TTN: variants seen among roughly 807,000 people sequenced by gnomAD.
TTN encodes the protein titin, also known as connectin.
In TTN, 1,525 loss-of-function variants were observed where a neutral mutation model predicts 3,223.0. That is an observed-to-expected ratio of 0.47 (90% confidence interval 0.45 to 0.49). The LOEUF is 0.49. Among genes scored for constraint, TTN ranks in the 20% least tolerant of loss-of-function variants. The probability of loss-of-function intolerance (pLI) is 0.00; values close to 1 mark genes in which losing one functional copy is unlikely to be tolerated. For missense variants in TTN, 40,786 were observed against 43,424.0 expected, an observed-to-expected ratio of 0.94 and a Z score of 5.40; for synonymous variants, 14,094 against 15,161.0, an observed-to-expected ratio of 0.93 and a Z score of 5.17.
intron 236 of TTN, 138 bp from the exon 237 acceptor site, chr2:178,631,438 T>G: frequency 2.1e-6 from 2 of 946,716 alleles, no homozygotes; most frequent in Non-Finnish European, 3.0e-6. Flanking sequence ...TTTAACCTGT[T>G]TATGTTCAAA....
Position 178,533,852 on chromosome 2 carries a change from C to T in TTN, c.102763G>A (p.Glu34255Lys). The change falls in exon 358 of 363, where the codon GAA becomes AAA. Residue 34255 changes from glutamate to lysine, a missense_variant. Glu to Lys is a moderately conservative substitution (Grantham distance 56). Coordinates refer to ENST00000589042, the MANE Select transcript of TTN (RefSeq NM_001267550.2). ...GGCAGGGTAAATTCTGGTGGCCTTT[C>T]CAGGAGTCTCATTGTGTCTGTTCTG... ...KRRTDTMRLLERPPEFTLPLY... is the reference protein window; with the variant it reads ...KRRTDTMRLLKRPPEFTLPLY... 2 of 1,613,942 alleles carry T rather than the reference C, an allele frequency of 1.2e-6. No individual in the cohort carries two copies. The highest frequency in any genetic ancestry group is 1.7e-6 in the Non-Finnish European group (2 of 1,179,864).
Position 178,615,423 on chromosome 2 carries a change from TAAG to T in TTN, c.48519_48521del (p.Phe16173del). 1.2e-6 allele frequency: 2 copies of T among 1,612,626 alleles called. No homozygotes were observed. Among genetic ancestry groups the T allele is most frequent in the Non-Finnish European group, 1.7e-6 (2 of 1,179,016 alleles). On this transcript the variant is annotated inframe_deletion, in exon 259 of 363. Coordinates refer to ENST00000589042, the MANE Select transcript of TTN (RefSeq NM_001267550.2). ...CATCATTTTTAGGTGGATCCCATGT[TAAG>T]AAGATGCTATTGGCTGTTCGATCTC...
rs2092625023 is a variant in TTN at position 178,780,033 on chromosome 2, A to G, written c.3696T>C (p.Asp1232=). The change falls in exon 22 of 363, where the codon GAT becomes GAC. Residue 1232 remains aspartate, a synonymous_variant. Coordinates refer to ENST00000589042, the MANE Select transcript of TTN (RefSeq NM_001267550.2). ...QALIRKKMAK[D]TVVVRTYVED... Reference sequence around the variant, plus strand: ...CTACATAAGTTCTGACCACTACAGTATCTTTGGCCATTTTCTTCCTAATTA... The same window carrying G: ...CTACATAAGTTCTGACCACTACAGTGTCTTTGGCCATTTTCTTCCTAATTA... 1 of 1,613,092 alleles carries G rather than the reference A, an allele frequency of 6.2e-7. No homozygotes were observed. Among genetic ancestry groups the G allele is most frequent in the Non-Finnish European group, 8.5e-7 (1 of 1,179,818 alleles).
chr2:178,564,170 G>C lies in TTN; in HGVS notation c.81962C>G (p.Ala27321Gly), dbSNP rs1344170347. The C allele has an allele frequency of 6.2e-7, 1 of 1,613,702 alleles. No homozygotes were observed. The highest frequency in any genetic ancestry group is 8.5e-7 in the Non-Finnish European group (1 of 1,179,754). ...KDGKELEETA[A>G]RMEIKSTIQK... is the part of the protein sequence containing the mutation. ...AATAGTAGATTTAATTTCCATTCTA[G>C]CAGCTGTTTCTTCAAGTTCTTTTCC... is the stretch of plus-strand genomic sequence containing the variant. Residue 27321 changes from alanine (A) to glycine (G), a missense_variant, in exon 326 of 363, where the codon GCT becomes GGT. Transcript: ENST00000589042.
chr2:178,550,444 G>A (rs971030280), intron 336 of TTN, 171 bp from the exon 337 acceptor site: 2 of 582,752 alleles, frequency 3.4e-6, no homozygotes, highest in Non-Finnish European at 5.8e-6. Context: ...GGACTATGGG[G>A]TTAAATATTT....
At chr2:178,639,898 G>A (rs1305038849) in intron 222 of TTN, 110 bp from the exon 223 acceptor site, 1 of 1,425,794 alleles carries the variant, frequency 7.0e-7, no homozygotes, top group African/African-American at 1.5e-5. Context: ...CAAATAACTA[G>A]TTTTTAAGAG....
rs772195716 is a variant in TTN at position 178,695,916 on chromosome 2, C to T, written c.31156G>A (p.Glu10386Lys). Residue 10386 changes from glutamate to lysine, a missense_variant, in exon 114 of 363, where the codon GAG (glutamate) becomes AAG (lysine). Glu to Lys is a moderately conservative substitution (Grantham distance 56). Transcript: ENST00000589042. ...GYDEGEEEWE[E>K]AYQEREVIQV... ...ATTACTTCCCTTTCTTGGTAAGCCT[C>T]TTCCCACTCTTCCTCCCCTTCGTCA... The T allele has an allele frequency of 7.8e-5, 115 of 1,483,444 alleles. No individual in the cohort carries two copies. Among genetic ancestry groups the T allele is most frequent in the Non-Finnish European group, 9.7e-5 (109 of 1,118,248 alleles). 91.9% of individuals were successfully genotyped at this position (1,483,444 alleles called of 1,614,324 possible).
rs991395791 is a variant in TTN, at chr2:178,664,183, A to AT, written c.36281-86dup. 40 of 1,343,846 alleles carry AT rather than the reference A, an allele frequency of 3.0e-5. No individual in the cohort carries two copies. In the African/African-American group the frequency reaches 3.7e-4, roughly 12 times the overall value. 83.2% of individuals were successfully genotyped at this position (1,343,846 alleles called of 1,614,324 possible). On this transcript the variant is annotated intron_variant, in intron 168 of 362. Transcript: ENST00000589042. Reference sequence around the variant, plus strand: ...AGACATTTTCAAGAACAAAAGAGCTATTTTTTTCTCCTGAGCTGAGATCAG... The same window carrying AT: ...AGACATTTTCAAGAACAAAAGAGCTATTTTTTTTCTCCTGAGCTGAGATCAG...
rs772596633 is a variant in TTN, at chr2:178,714,039, G to T, written c.26619C>A (p.Asp8873Glu). 3.9e-5 allele frequency: 63 copies of T among 1,613,448 alleles called. 1 individual carries two copies. The Admixed American group carries it at 1.0e-3, about 26-fold the overall frequency. Reference protein sequence around the residue: ...WFKDGKELTSDNKYKISFFNK... With the variant: ...WFKDGKELTSENKYKISFFNK... ...TGAAGAAGCTTATTTTGTATTTGTT[G>T]TCACTTGTTAGCTCTTTTCCATCCT... Residue 8873 changes from aspartate (D) to glutamate (E), a missense_variant, in exon 92 of 363, where the codon GAC (aspartate) becomes GAA (glutamate). By Grantham distance (45) the Asp-to-Glu change is conservative. Transcript: ENST00000589042.
In TTN at chr2:178,572,752, C is replaced by T; in HGVS notation, c.73380G>A (p.Val24460=). 1 of 1,613,506 alleles carries T rather than the reference C, an allele frequency of 6.2e-7. No individual in the cohort carries two copies. The highest frequency in any genetic ancestry group is 8.5e-7 in the Non-Finnish European group (1 of 1,179,596). Reference sequence around the variant, plus strand: ...ATTCTCCATGGTCCCGGGCCCACTTCACCTCAGGTGCAGGCCTTCCTTTGA... The same window carrying T: ...ATTCTCCATGGTCCCGGGCCCACTTTACCTCAGGTGCAGGCCTTCCTTTGA... ...VPIKGRPAPE[V]KWARDHGESL... is the part of the protein sequence containing the mutation. The change falls in exon 326 of 363, where the codon GTG becomes GTA. Residue 24460 remains valine (V), a synonymous_variant. Coordinates refer to ENST00000589042, the MANE Select transcript of TTN (RefSeq NM_001267550.2).
At chr2:178,673,802 A>G in intron 151 of TTN, 92 bp from the exon 152 acceptor site, 1 of 926,662 alleles carries the variant, frequency 1.1e-6, no homozygotes, top group East Asian at 2.7e-5. Flanking sequence ...CAAAACATTG[A>G]CTTATTTTTA....
chr2:178,685,560 G>C lies in TTN; in HGVS notation c.32350C>G (p.Leu10784Val), dbSNP rs72650029. ...EPEEYVVEEK[L>V]HIISKRVEAE... is the part of the protein sequence containing the mutation. ...TCCACTCTCTTAGAAATAATGTGCA[G>C]CTTTTCTTCCACAACATATTCCTCA... The change falls in exon 128 of 363, where the codon CTG becomes GTG. Residue 10784 changes from leucine (L) to valine (V), a missense_variant. Coordinates refer to ENST00000589042, the MANE Select transcript of TTN (RefSeq NM_001267550.2). 2,323 of 1,613,652 alleles carry C rather than the reference G, an allele frequency of 1.4e-3. 13 individuals are homozygous for C. Among genetic ancestry groups the C allele is most frequent in the African/African-American group, 0.012 (897 of 75,010 alleles).
Position 178,540,183 on chromosome 2 carries a change from A to G in TTN, c.97983T>C (p.Thr32661=), listed in dbSNP as rs774412007. ...CTGCACCCTGAGGTAGGTGTGTTAG[A>G]GTATACTCTCGAATCTTGGTTGGAG... ...NTTPTKIREY[T]LTHLPQGAEY... The change falls in exon 351 of 363, where the codon ACT becomes ACC. Residue 32661 remains threonine (T), a synonymous_variant. Coordinates refer to ENST00000589042, the MANE Select transcript of TTN (RefSeq NM_001267550.2). The G allele has an allele frequency of 6.2e-7, 1 of 1,613,842 alleles. No homozygotes were observed. The highest frequency in any genetic ancestry group is 8.5e-7 in the Non-Finnish European group (1 of 1,179,788).
Position 178,663,607 on chromosome 2 carries a change from C to G in TTN, c.36532+20G>C, listed in dbSNP as rs1220343251. ...GCAGAAGAGATACATCATCTGAAGC[C>G]TAAAATCAGTGACAAATACCTTTAA... is the stretch of plus-strand genomic sequence containing the variant. On this transcript the variant is annotated intron_variant, in intron 171 of 362. Coordinates refer to ENST00000589042, the MANE Select transcript of TTN (RefSeq NM_001267550.2). 6.2e-7 allele frequency: 1 copy of G among 1,613,474 alleles called. No individual in the cohort carries two copies. The highest frequency in any genetic ancestry group is 8.5e-7 in the Non-Finnish European group (1 of 1,179,696).
rs758458467 is a variant in TTN at position 178,531,232 on chromosome 2, G to C, written c.105383C>G (p.Ala35128Gly). The change falls in exon 358 of 363, where the codon GCA becomes GGA. Residue 35128 changes from alanine to glycine, a missense_variant. Transcript: ENST00000589042. Reference protein sequence around the residue: ...STTRKIKTTLAARILTKPRSM... With the variant: ...STTRKIKTTLGARILTKPRSM... ...CCGTGGCTTTGTTAGAATTCTTGCT[G>C]CCAAAGTCGTCTTGATCTTTCTGGT... 2 of 1,613,924 alleles carry C rather than the reference G, an allele frequency of 1.2e-6. No homozygotes were observed. Among genetic ancestry groups the C allele is most frequent in the African/African-American group, 2.7e-5 (2 of 75,028 alleles).
intron 349 of TTN, 64 bp downstream of exon 349, chr2:178,542,200 A>C (rs766646035): frequency 6.8e-7 from 1 of 1,479,242 alleles, no homozygotes; most frequent in Non-Finnish European, 9.1e-7. Context: ...TTAAAAACAA[A>C]TTCTTTTTTG....
intron 126 of TTN, 71 bp from the exon 127 acceptor site, chr2:178,688,295 T>G (rs572248519): frequency 4.6e-6 from 6 of 1,308,826 alleles, no homozygotes; most frequent in Admixed American, 1.7e-5. Context: ...ATGTGGTCAC[T>G]ACAGATGGAT....
chr2:178,575,880 C>T lies in TTN; in HGVS notation c.70252G>A (p.Glu23418Lys). The change falls in exon 326 of 363, where the codon GAA becomes AAA. Residue 23418 changes from glutamate to lysine, a missense_variant. Transcript: ENST00000589042. The surrounding 1 kb of genome is among the most constrained non-coding windows in gnomAD (Gnocchi z 4.0). ...CCACTTTTCTTCCCAGCCGGGTTTT[C>T]AATGGTCATGACAAATTTACCGGTA... ...YDTGKFVMTI[E>K]NPAGKKSGFV... 3 of 1,613,546 alleles carry T rather than the reference C, an allele frequency of 1.9e-6. No individual in the cohort carries two copies. The South Asian group carries it at 3.3e-5, about 18-fold the overall frequency.
chr2:178,770,809 T>C, intron 34 of TTN, 134 bp from the exon 35 acceptor site: 1 of 1,171,436 alleles, frequency 8.5e-7, no homozygotes, highest in Non-Finnish European at 1.3e-6. Flanking sequence ...GCAGCACCTC[T>C]GTTTTAAAAA....
Sources: gnomAD v4.1 joint callset for allele counts on GRCh38, gnomAD v4.1.1 for gene constraint, Gnocchi (gnomAD v3.1) non-coding constraint, MANE v1.5 for transcripts, NCBI Gene and HGNC (gene_info 2026-07-23, HGNC 2026-07-21) for gene names.